Variants in TMEM170A observed in about 807,000 individuals in gnomAD.
TMEM170A encodes the protein transmembrane protein 170.
TMEM170A carries 18 observed loss-of-function variants against 12.8 expected under a neutral mutation model. The observed-to-expected ratio is 1.41, with a 90% CI of 0.97 to 2.09. The LOEUF is 2.09. Ranked by LOEUF, TMEM170A falls within the 30% of genes most tolerant of loss-of-function variation. The probability of loss-of-function intolerance (pLI) is 0.00; values close to 1 mark genes in which losing one functional copy is unlikely to be tolerated. For missense variants in TMEM170A, 220 were observed against 179.9 expected (o/e 1.22, Z -1.28); for synonymous variants, 107 against 76.2 (o/e 1.40, Z -2.11).
chr16:75,464,263 G>C, intron 1 of TMEM170A: 1 of 1,496,476 alleles, frequency 6.7e-7, no homozygotes, highest in Non-Finnish European at 8.9e-7. Context: ...CACGCCCAGC[G>C]GGACTCCGGG....
At chr16:75,453,265 C>T (rs913893844) in intron 1 of TMEM170A, among the ~76,000 whole-genome samples, 31 of 152,140 alleles carry the variant, frequency 2.0e-4, no homozygotes, top group Non-Finnish European at 4.4e-4. Flanking sequence ...GAAACCCTGT[C>T]TCTACAAAAA....
intron 2 of TMEM170A, among the ~76,000 whole-genome samples, chr16:75,451,013 A>G (rs894723097): frequency 1.3e-5 from 2 of 152,104 alleles, no homozygotes. Context: ...AACCACACCC[A>G]CATGAGTGGA....
chr16:75,459,458 C>T (rs749873756), intron 1 of TMEM170A, among the ~76,000 whole-genome samples: 1 of 152,188 alleles, frequency 6.6e-6, no homozygotes, highest in Non-Finnish European at 1.5e-5. Context: ...CCAGCTGGCC[C>T]CACTCTCATC....
intron 1 of TMEM170A, among the ~76,000 whole-genome samples, chr16:75,452,223 G>A (rs1168546274): frequency 3.3e-5 from 5 of 151,866 alleles, no homozygotes; most frequent in African/African-American, 4.8e-5. Context: ...CGCCCGCCTC[G>A]GCCTCCCAAG....
rs1213660484 is a variant in TMEM170A, at chr16:75,445,560, G to A, written c.*1998C>T. The A allele has an allele frequency of 6.6e-6, 1 of 152,258 alleles. No homozygotes were observed. Among genetic ancestry groups the A allele is most frequent in the Non-Finnish European group, 1.5e-5 (1 of 68,116 alleles). The allele number at this position is 152,258 out of a possible 1,614,324, so 9.4% of individuals were successfully genotyped here. A position where few individuals can be genotyped will look rare whatever the true frequency, so the allele number is the denominator to read the frequency against. On this transcript the variant is annotated 3_prime_UTR_variant, in exon 3 of 3. Coordinates refer to ENST00000561878, the MANE Select transcript of TMEM170A (RefSeq NM_145254.3). ...AATCCTCCCACATCGACCTCCCAAA[G>A]TGCTGGGATTATAGGTGTGAGCCAC...
intron 1 of TMEM170A, among the ~76,000 whole-genome samples, chr16:75,453,550 C>CT (rs2079727068): frequency 6.6e-6 from 1 of 152,218 alleles, no homozygotes; most frequent in East Asian, 1.9e-4. Flanking sequence ...CTTTCCTGAC[C>CT]TTTTGATCAC....
intron 1 of TMEM170A, chr16:75,459,121 T>G (rs529388957): frequency 6.6e-6 from 1 of 152,374 alleles, no homozygotes; most frequent in East Asian, 1.9e-4. Context: ...CTCGAACTCC[T>G]GACCTCAGGT....
At position 75,452,176 on chromosome 16, in the gene TMEM170A, T is replaced by C. The variant is rs567007946; in HGVS notation, c.134-337A>G. Among the ~76,000 whole-genome samples, 162 of 152,154 alleles carry C rather than the reference T, an allele frequency of 1.1e-3. 1 individual carries two copies. Among genetic ancestry groups the C allele is most frequent in the Non-Finnish European group, 1.9e-3 (129 of 67,988 alleles). On this transcript the variant is annotated intron_variant, in intron 1 of 2. Coordinates refer to ENST00000561878, the MANE Select transcript of TMEM170A (RefSeq NM_145254.3). The stretch of plus-strand genomic sequence containing the variant: ...TTAGTAGAGACGGGGTTTCACCATG[T>C]TAACCAGGATGGTCTCGATCTCCTG...
At chr16:75,453,426 G>A (rs796438387) in intron 1 of TMEM170A, among the ~76,000 whole-genome samples, 4 of 152,060 alleles carry the variant, frequency 2.6e-5, no homozygotes, top group African/African-American at 4.8e-5. Flanking sequence ...AGGGTGAGAC[G>A]GTCTCAAAAA....
chr16:75,454,873 G>A (rs777558467), intron 1 of TMEM170A, among the ~76,000 whole-genome samples: 20 of 152,168 alleles, frequency 1.3e-4, no homozygotes, highest in Non-Finnish European at 2.4e-4. Context: ...CATGGCCCTT[G>A]CTGCAACAAT....
rs2079595125 is a variant in TMEM170A at position 75,446,839 on chromosome 16, TAA to T, written c.*717_*718del. ...ATAGGGAAAGGTGGTACAGAAAATC[TAA>T]AAAGTCTAAATTAGCTAGCTTATTT... On this transcript the variant is annotated 3_prime_UTR_variant, in exon 3 of 3. Coordinates refer to ENST00000561878, the MANE Select transcript of TMEM170A (RefSeq NM_145254.3). 6.6e-6 allele frequency: 1 copy of T among 152,188 alleles called. No individual in the cohort carries two copies. The highest frequency in any genetic ancestry group is 6.5e-5 in the Admixed American group (1 of 15,276). The allele number at this position is 152,188 out of a possible 1,614,324, so 9.4% of individuals were successfully genotyped here.
intron 1 of TMEM170A, among the ~76,000 whole-genome samples, chr16:75,460,409 G>A (rs1045375313): frequency 2.0e-5 from 3 of 151,996 alleles, no homozygotes; most frequent in South Asian, 2.1e-4. Flanking sequence ...TCCTCTGTGC[G>A]TTGCCGACAC....
At position 75,451,692 on chromosome 16, in the gene TMEM170A, G is replaced by A. The variant is rs1394753541; in HGVS notation, c.281C>T (p.Pro94Leu). Reference protein sequence around the residue: ...VSILLMGIVGPITAGILTSAA... With the variant: ...VSILLMGIVGLITAGILTSAA... ...ACTTGTCAAGATTCCAGCAGTAATTGGTCCCACGATGCCCATCAACAGGAT... is the reference window on the plus strand; with the variant it reads ...ACTTGTCAAGATTCCAGCAGTAATTAGTCCCACGATGCCCATCAACAGGAT... Residue 94 changes from proline (P) to leucine (L), a missense_variant, in exon 2 of 3, where the codon CCA (proline) becomes CTA (leucine). Physicochemically the swap from Pro to Leu is moderately conservative, Grantham distance 98. Coordinates refer to ENST00000561878, the MANE Select transcript of TMEM170A (RefSeq NM_145254.3). The A allele has an allele frequency of 6.2e-7, 1 of 1,614,136 alleles. No homozygotes were observed. The highest frequency in any genetic ancestry group is 1.1e-5 in the South Asian group (1 of 91,084).
intron 1 of TMEM170A, among the ~76,000 whole-genome samples, chr16:75,460,344 C>T (rs1175707873): frequency 6.6e-6 from 1 of 152,106 alleles, no homozygotes; most frequent in African/African-American, 2.4e-5. Context: ...TCAGAATCAT[C>T]CCATCTCTGT....
chr16:75,452,629 G>A (rs908342349), intron 1 of TMEM170A: 1 of 152,026 alleles, frequency 6.6e-6, no homozygotes, highest in Non-Finnish European at 1.5e-5. Flanking sequence ...CTTTAGAGAT[G>A]GGGTCTCACC....
chr16:75,460,736 T>C (rs1162425338), intron 1 of TMEM170A, among the ~76,000 whole-genome samples: 2 of 152,172 alleles, frequency 1.3e-5, no homozygotes, highest in African/African-American at 4.8e-5. Flanking sequence ...TTTGTTACTA[T>C]GGCATCTTGA....
intron 1 of TMEM170A, among the ~76,000 whole-genome samples, chr16:75,455,918 G>A (rs1293762322): frequency 1.3e-5 from 2 of 152,208 alleles, no homozygotes; most frequent in African/African-American, 4.8e-5. Flanking sequence ...AGGGGGAGGA[G>A]AGGAGGACCA....
chr16:75,460,926 T>C (rs566848740), intron 1 of TMEM170A, among the ~76,000 whole-genome samples: 1 of 152,354 alleles, frequency 6.6e-6, no homozygotes, highest in South Asian at 2.1e-4. Flanking sequence ...GAAATCTGTA[T>C]CTTCTGAAGA....
At chr16:75,452,830 G>T (rs2079713848) in intron 1 of TMEM170A, 1 of 152,154 alleles carries the variant, frequency 6.6e-6, no homozygotes, top group East Asian at 1.9e-4. Context: ...ACTGCCTACA[G>T]ACCCACCACC....
Sources: allele counts gnomAD v4.1 joint callset (sites outside exome capture counted in the v4.1 genomes callset), GRCh38; gene constraint gnomAD v4.1.1; transcripts MANE v1.5; gene names NCBI Gene and HGNC (gene_info 2026-07-23, HGNC 2026-07-21).